CFAP299: variants seen among roughly 807,000 people sequenced by gnomAD.
The protein encoded by CFAP299 is cilia and flagella associated protein 299, also known as cilia- and flagella-associated protein 299.
In CFAP299, 21 loss-of-function variants were observed where a neutral mutation model predicts 27.0. The observed-to-expected ratio is 0.78, with a 90% CI of 0.55 to 1.12. The LOEUF (loss-of-function observed/expected upper bound fraction) is 1.12, where lower values mean the gene tolerates loss of function less well. CFAP299 is among the 50% of genes most tolerant of loss of function. The probability of loss-of-function intolerance (pLI) is 0.00; values close to 1 mark genes in which losing one functional copy is unlikely to be tolerated. For missense variants in CFAP299, 310 were observed against 276.6 expected (o/e 1.12, Z -0.86); for synonymous variants, 104 against 98.1 (o/e 1.06, Z -0.36).
At chr4:80,871,636 C>A (rs766617600) in intron 4 of CFAP299, 14 of 981,630 alleles carry the variant, frequency 1.4e-5, no homozygotes, top group African/African-American at 1.8e-5. Flanking sequence ...TCATCACCAC[C>A]TTTATAACTA....
chr4:80,574,624 G>T (rs1198455794), intron 2 of CFAP299, among the ~76,000 whole-genome samples: 1 of 151,866 alleles, frequency 6.6e-6, no homozygotes, highest in African/African-American at 2.4e-5. Context: ...TTGTTTTGGG[G>T]GTATGTTCCT....
chr4:80,383,549 A>G (rs1724816848), intron 2 of CFAP299, among the ~76,000 whole-genome samples: 1 of 152,180 alleles, frequency 6.6e-6, no homozygotes, highest in Non-Finnish European at 1.5e-5. Flanking sequence ...ATAATAAGAT[A>G]TCAAGTTTTA....
At position 80,335,810 on chromosome 4, in the gene CFAP299, C is replaced by T. The variant is rs1415585569; in HGVS notation, c.42C>T (p.Val14=). 3.1e-6 allele frequency: 5 copies of T among 1,613,714 alleles called. No individual in the cohort carries two copies. The highest frequency in any genetic ancestry group is 4.2e-6 in the Non-Finnish European group (5 of 1,179,706). ...EEGLKALDNI[V]TQFNAYEDFL... is the part of the protein sequence containing the mutation. ...GGCTGAAGGCCTTGGACAATATTGTCACTCAATTCAACGCCTATGAAGATT... is the reference window on the plus strand; with the variant it reads ...GGCTGAAGGCCTTGGACAATATTGTTACTCAATTCAACGCCTATGAAGATT... The change falls in exon 1 of 6, where the codon GTC becomes GTT. Residue 14 remains valine (V), a synonymous_variant. Transcript: ENST00000358105.
chr4:80,843,692 A>G (rs1730996888), intron 3 of CFAP299, among the ~76,000 whole-genome samples: 1 of 152,164 alleles, frequency 6.6e-6, no homozygotes. Context: ...TTACAGTTCC[A>G]CCAACAGTGT....
rs187575606 is a variant in CFAP299 at position 80,930,181 on chromosome 4, C to T, written c.477-14629C>T. ...AAATTATGCCAATTTAATTAGGCCTCTATAAAAACCCAAAGGGACAGGGTT... is the reference window on the plus strand; with the variant it reads ...AAATTATGCCAATTTAATTAGGCCTTTATAAAAACCCAAAGGGACAGGGTT... On this transcript the variant is annotated intron_variant, in intron 4 of 5. Transcript: ENST00000358105. Among the ~76,000 whole-genome samples, 618 of 152,196 alleles carry T rather than the reference C, an allele frequency of 4.1e-3. 1 individual carries two copies. Among genetic ancestry groups the T allele is most frequent in the Middle Eastern group, 0.014 (4 of 294 alleles).
chr4:80,877,403 C>T (rs566981711), intron 4 of CFAP299, among the ~76,000 whole-genome samples: 1 of 152,282 alleles, frequency 6.6e-6, no homozygotes, highest in East Asian at 1.9e-4. Context: ...TGAATCCTTA[C>T]TAGAGTATCT....
At chr4:80,898,838 A>G (rs1009991493) in intron 4 of CFAP299, among the ~76,000 whole-genome samples, 23 of 152,286 alleles carry the variant, frequency 1.5e-4, no homozygotes, top group African/African-American at 5.5e-4. Flanking sequence ...TCCAGGAAAT[A>G]AAAGGAAGCC....
rs143786498 is a variant in CFAP299 at position 80,855,375 on chromosome 4, C to A, written c.334-14618C>A. Among the ~76,000 whole-genome samples, 584 of 151,716 alleles carry A rather than the reference C, an allele frequency of 3.8e-3. 1 individual carries two copies. The highest frequency in any genetic ancestry group is 0.014 in the Middle Eastern group (4 of 290). ...TTTCTCCTTTATAAATCATCTTATT[C>A]TTTTTTATCTTATTTTCTTTTTATT... On this transcript the variant is annotated intron_variant, in intron 3 of 5. Coordinates refer to ENST00000358105, the MANE Select transcript of CFAP299 (RefSeq NM_152770.3).
intron 1 of CFAP299, among the ~76,000 whole-genome samples, chr4:80,348,334 A>G (rs1327790285): frequency 6.6e-6 from 1 of 151,962 alleles, no homozygotes; most frequent in Non-Finnish European, 1.5e-5. Flanking sequence ...GCAAATGAAA[A>G]TTAGAGTGAA....
intron 3 of CFAP299, among the ~76,000 whole-genome samples, chr4:80,768,655 A>G (rs1201276479): frequency 6.6e-6 from 1 of 152,162 alleles, no homozygotes; most frequent in Non-Finnish European, 1.5e-5. Context: ...TTTTTTTGCC[A>G]TGGAAAATTG....
At chr4:80,717,365 A>G (rs1477144905) in intron 3 of CFAP299, among the ~76,000 whole-genome samples, 1 of 152,220 alleles carries the variant, frequency 6.6e-6, no homozygotes, top group African/African-American at 2.4e-5. Flanking sequence ...ACGTCTGGCA[A>G]TGATTTTCTC....
At chr4:80,324,888 C>T in the CFAP299 span, among the ~76,000 whole-genome samples, 3 of 152,132 alleles carry the variant, frequency 2.0e-5, no homozygotes, top group Non-Finnish European at 4.4e-5. Context: ...TTTGGGAGGC[C>T]GAGGGGGTTG....
chr4:80,436,125 T>C (rs1040162434), intron 2 of CFAP299, among the ~76,000 whole-genome samples: 2 of 152,150 alleles, frequency 1.3e-5, no homozygotes, highest in Non-Finnish European at 2.9e-5. Context: ...GTTAACTGCA[T>C]GCAAATTTCC....
At chr4:80,440,271 G>C (rs1276587875) in intron 2 of CFAP299, among the ~76,000 whole-genome samples, 1 of 152,252 alleles carries the variant, frequency 6.6e-6, no homozygotes, top group African/African-American at 2.4e-5. Flanking sequence ...ACACCTCCCA[G>C]CAGGGCTCGA....
chr4:80,897,674 TGCAA>T (rs939791566), intron 4 of CFAP299, among the ~76,000 whole-genome samples: 16 of 152,308 alleles, frequency 1.1e-4, no homozygotes, highest in Admixed American at 9.8e-4. Context: ...AACATGTTTC[TGCAA>T]GTCAGGAACC....
At chr4:80,399,465 G>T (rs572756578) in intron 2 of CFAP299, among the ~76,000 whole-genome samples, 1 of 152,124 alleles carries the variant, frequency 6.6e-6, no homozygotes, top group Non-Finnish European at 1.5e-5. Flanking sequence ...TGATAGACTG[G>T]ATTAAGAAAA....
rs527678176 is a variant in CFAP299 at position 80,809,767 on chromosome 4, C to T, written c.334-60226C>T. Among the ~76,000 whole-genome samples, 5 of 152,154 alleles carry T rather than the reference C, an allele frequency of 3.3e-5. No homozygotes were observed. The South Asian group carries it at 6.2e-4, about 19-fold the overall frequency. ...ACCAGGTTTCCTTACCTGGCTGTCC[C>T]GAACCTCCAAGGGTTTCCCCACTTT... is the stretch of plus-strand genomic sequence containing the variant. On this transcript the variant is annotated intron_variant, in intron 3 of 5. Coordinates refer to ENST00000358105, the MANE Select transcript of CFAP299 (RefSeq NM_152770.3).
At chr4:80,606,288 GT>G (rs560417687) in intron 3 of CFAP299, among the ~76,000 whole-genome samples, 157 of 152,266 alleles carry the variant, frequency 1.0e-3, no homozygotes, top group African/African-American at 3.5e-3. Flanking sequence ...TGTAATCCCA[GT>G]GCTTTGGGAG....
At chr4:80,793,764 G>A (rs1334045979) in intron 3 of CFAP299, among the ~76,000 whole-genome samples, 2 of 152,124 alleles carry the variant, frequency 1.3e-5, no homozygotes, top group Non-Finnish European at 1.5e-5. Context: ...TATTTTCTTA[G>A]TACAAGTGTA....
Sources: gnomAD v4.1 joint callset for allele counts (sites outside exome capture counted in the v4.1 genomes callset) on GRCh38, gnomAD v4.1.1 for gene constraint, MANE v1.5 for transcripts, NCBI Gene and HGNC (gene_info 2026-07-23, HGNC 2026-07-21) for gene names.